The following RAB11FIP4 variants were observed in gnomAD, a reference collection of about 807,000 sequenced individuals.
The protein encoded by RAB11FIP4 is RAB11 family interacting protein 4.
Under a neutral mutation model 74.3 loss-of-function variants are expected in RAB11FIP4, and 23 were observed. The observed-to-expected ratio is 0.31, with a 90% CI of 0.22 to 0.44. RAB11FIP4 has a LOEUF of 0.44. Among genes scored for constraint, RAB11FIP4 ranks in the 20% least tolerant of loss-of-function variants. The pLI is 1.00. For synonymous variants in RAB11FIP4, 360 were observed against 359.9 expected, an observed-to-expected ratio of 1.00 and a Z score of 0.00; for missense variants, 630 against 863.9, an observed-to-expected ratio of 0.73 and a Z score of 3.39.
intron 14 of RAB11FIP4, among the ~76,000 whole-genome samples, chr17:31,530,702 G>A (rs1466528505): frequency 3.9e-5 from 6 of 152,216 alleles, no homozygotes; most frequent in African/African-American, 1.4e-4. Flanking sequence ...GTTCAGAGTG[G>A]AGTGTGAGTC....
chr17:31,445,154 TA>T (rs1287884349), intron 3 of RAB11FIP4, among the ~76,000 whole-genome samples: 2 of 151,914 alleles, frequency 1.3e-5, no homozygotes, highest in African/African-American at 4.8e-5. Flanking sequence ...GAATAAAGAG[TA>T]GATCACTTTT....
intron 7 of RAB11FIP4, 58 bp from the exon 8 acceptor site, chr17:31,523,454 G>A (rs941102937): frequency 1.0e-4 from 137 of 1,373,266 alleles, no homozygotes; most frequent in Middle Eastern, 7.2e-4. Flanking sequence ...AGTAGTGTGA[G>A]TAGGCCCCTG....
At position 31,512,706 on chromosome 17, in the gene RAB11FIP4, C is replaced by A. The variant is rs1255172246; in HGVS notation, c.337-4945C>A. 6.6e-6 allele frequency among the ~76,000 whole-genome samples: 1 copy of A among 152,116 alleles called. No individual in the cohort carries two copies. Among genetic ancestry groups the A allele is most frequent in the East Asian group, 1.9e-4 (1 of 5,192 alleles). On this transcript the variant is annotated intron_variant, in intron 3 of 14. Transcript: ENST00000621161. The surrounding 1 kb of genome is among the most constrained non-coding windows in gnomAD (Gnocchi z 4.1). ...GCCCGGTGCTGCCTCCTGAGGATACCACACTGTCCCTTCCCCAAAGGCCCC... is the reference window on the plus strand; with the variant it reads ...GCCCGGTGCTGCCTCCTGAGGATACAACACTGTCCCTTCCCCAAAGGCCCC...
chr17:31,439,161 C>A (rs1016414893), intron 3 of RAB11FIP4, among the ~76,000 whole-genome samples: 1 of 152,224 alleles, frequency 6.6e-6, no homozygotes, highest in African/African-American at 2.4e-5. Flanking sequence ...CCCAGGACAG[C>A]ACCCACAGCA....
chr17:31,408,872 G>A (rs1387463213), intron 1 of RAB11FIP4, among the ~76,000 whole-genome samples: 2 of 152,222 alleles, frequency 1.3e-5, no homozygotes, highest in African/African-American at 4.8e-5. Context: ...CGAGGCTGGT[G>A]TTGGCACAAG....
At chr17:31,414,636 C>A (rs1030647769) in intron 1 of RAB11FIP4, among the ~76,000 whole-genome samples, 6 of 152,194 alleles carry the variant, frequency 3.9e-5, no homozygotes, top group Admixed American at 3.3e-4. Flanking sequence ...GCTGGGACAG[C>A]GCTTCCCAGG....
In RAB11FIP4 at chr17:31,392,025, AC is replaced by A. The variant is rs1426329887; in HGVS notation, c.159+18del. 1 of 1,280,884 alleles carries A rather than the reference AC, an allele frequency of 7.8e-7. No individual in the cohort carries two copies. The highest frequency in any genetic ancestry group is 9.9e-7 in the Non-Finnish European group (1 of 1,012,866). 79.3% of individuals were successfully genotyped at this position (1,280,884 alleles called of 1,614,324 possible). ...CAGGGCGAGGAGGTAAGCTGGCCCG[AC>A]CCCAGTCCCGGCCCGGGGACCCCAG... On this transcript the variant is annotated intron_variant, in intron 1 of 14. Coordinates refer to ENST00000621161, the MANE Select transcript of RAB11FIP4 (RefSeq NM_032932.6).
chr17:31,496,578 GT>G (rs2072120649), intron 3 of RAB11FIP4, among the ~76,000 whole-genome samples: 1 of 152,140 alleles, frequency 6.6e-6, no homozygotes, highest in Admixed American at 6.5e-5. Flanking sequence ...TTTCACATGT[GT>G]TTCCTTTTAG....
At chr17:31,434,920 T>C (rs1169885836) in intron 3 of RAB11FIP4, among the ~76,000 whole-genome samples, 1 of 152,196 alleles carries the variant, frequency 6.6e-6, no homozygotes, top group Non-Finnish European at 1.5e-5. Context: ...GCGTGATGGC[T>C]GATGCTTGTA....
intron 13 of RAB11FIP4, among the ~76,000 whole-genome samples, chr17:31,529,109 T>C (rs1176682602): frequency 6.6e-6 from 1 of 150,868 alleles, no homozygotes; most frequent in African/African-American, 2.4e-5. Context: ...TTTTTTTTTT[T>C]TTCCCAAGAG....
rs1231988825 is a variant in RAB11FIP4 at position 31,512,595 on chromosome 17, CCAGGGTACAGGGAGCTGTGAGCT to C, written c.337-5050_337-5028del. On this transcript the variant is annotated intron_variant, in intron 3 of 14. Transcript: ENST00000621161. The surrounding 1 kb of genome is among the most constrained non-coding windows in gnomAD (Gnocchi z 4.1). The stretch of plus-strand genomic sequence containing the variant: ...GGCCTATGGTGGCTGGCCCTGTGTC[CCAGGGTACAGGGAGCTGTGAGCT>C]CAGGGCTGGCTCTGGGTCTTGAGGG... Among the ~76,000 whole-genome samples the C allele has an allele frequency of 6.6e-6, 1 of 152,144 alleles. No homozygotes were observed. The highest frequency in any genetic ancestry group is 1.5e-5 in the Non-Finnish European group (1 of 68,008).
chr17:31,462,263 CT>C (rs2071640773), intron 3 of RAB11FIP4, among the ~76,000 whole-genome samples: 1 of 144,194 alleles, frequency 6.9e-6, no homozygotes, highest in Non-Finnish European at 1.5e-5. Context: ...AAGACTCCAT[CT>C]CAAAAAAAAC....
chr17:31,461,220 G>A (rs890233182), intron 3 of RAB11FIP4, among the ~76,000 whole-genome samples: 5 of 152,118 alleles, frequency 3.3e-5, no homozygotes, highest in Admixed American at 3.3e-4. Context: ...GTGCAGATGA[G>A]GCAGAAAAGC....
At chr17:31,462,435 T>C (rs1166977953) in intron 3 of RAB11FIP4, among the ~76,000 whole-genome samples, 1 of 152,058 alleles carries the variant, frequency 6.6e-6, no homozygotes, top group Non-Finnish European at 1.5e-5. Context: ...GTCTGGAGTA[T>C]CCGCTTGGAA....
intron 3 of RAB11FIP4, among the ~76,000 whole-genome samples, chr17:31,485,905 G>A (rs1269292967): frequency 6.6e-5 from 10 of 152,144 alleles, no homozygotes; most frequent in Admixed American, 1.3e-4. Flanking sequence ...CCAGTGGTAT[G>A]ATACACCACA....
At chr17:31,429,518 G>A (rs1299614563) in intron 1 of RAB11FIP4, among the ~76,000 whole-genome samples, 1 of 152,154 alleles carries the variant, frequency 6.6e-6, no homozygotes, top group African/African-American at 2.4e-5. Context: ...ACTTTCTGTG[G>A]AAATCCTCCG....
At chr17:31,395,908 G>A (rs994517641) in intron 1 of RAB11FIP4, among the ~76,000 whole-genome samples, 5 of 152,162 alleles carry the variant, frequency 3.3e-5, no homozygotes, top group Non-Finnish European at 5.9e-5. Flanking sequence ...TGGGCCGGGC[G>A]TGGTGGCTCA....
intron 1 of RAB11FIP4, among the ~76,000 whole-genome samples, chr17:31,414,785 G>A (rs544131224): frequency 5.3e-5 from 8 of 152,340 alleles, no homozygotes; most frequent in South Asian, 2.1e-4. Context: ...TTATCCCAGT[G>A]GGTCCCTGAG....
intron 3 of RAB11FIP4, among the ~76,000 whole-genome samples, chr17:31,508,759 C>T (rs760244520): frequency 1.3e-5 from 2 of 152,154 alleles, no homozygotes; most frequent in Non-Finnish European, 2.9e-5. Flanking sequence ...TAGTTGAGCT[C>T]CCAGGAGGTT....
Sources: gnomAD v4.1 joint callset for allele counts (sites outside exome capture counted in the v4.1 genomes callset) on GRCh38, gnomAD v4.1.1 for gene constraint, Gnocchi (gnomAD v3.1) non-coding constraint, MANE v1.5 for transcripts, NCBI Gene and HGNC (gene_info 2026-07-23, HGNC 2026-07-21) for gene names.